Variants in CDH13 observed in about 807,000 individuals in gnomAD.
CDH13 encodes the protein cadherin-13.
A neutral mutation model predicts 63.8 loss-of-function variants in CDH13; 24 were observed. The ratio of observed to expected loss-of-function variants is 0.38; its 90% CI spans 0.27 to 0.53. The LOEUF is 0.53. Ranked by LOEUF, CDH13 falls within the 20% of genes least tolerant of loss-of-function variation. CDH13 has a pLI of 0.85. For missense variants in CDH13, 1,049 were observed against 903.1 expected (o/e 1.16, Z -2.07); for synonymous variants, 503 against 355.3 (o/e 1.42, Z -4.67).
chr16:83,327,459 A>G (rs17210599), intron 5 of CDH13, among the ~76,000 whole-genome samples: 10,791 of 152,312 alleles, frequency 0.071, 539 homozygotes, highest in Non-Finnish European at 0.11. Context: ...ACTTCTTTAT[A>G]AACTCAAAGC....
chr16:82,686,690 C>A (rs1915105104), intron 1 of CDH13, among the ~76,000 whole-genome samples: 1 of 152,208 alleles, frequency 6.6e-6, no homozygotes, highest in Non-Finnish European at 1.5e-5. Flanking sequence ...GATTTTAGTG[C>A]AGGCCTTTCT....
At chr16:83,747,435 A>T (rs949913026) in intron 10 of CDH13, among the ~76,000 whole-genome samples, 3 of 152,176 alleles carry the variant, frequency 2.0e-5, no homozygotes, top group African/African-American at 7.2e-5. Context: ...ACCTTCCGCC[A>T]TGATTGCGAG....
chr16:83,700,258 C>A (rs1229527303), intron 10 of CDH13, among the ~76,000 whole-genome samples: 1 of 152,182 alleles, frequency 6.6e-6, no homozygotes, highest in Non-Finnish European at 1.5e-5. Context: ...ACCTGTGTCA[C>A]CAGTTACACA....
intron 6 of CDH13, among the ~76,000 whole-genome samples, chr16:83,409,745 G>T (rs1053033824): frequency 1.3e-5 from 2 of 152,172 alleles, no homozygotes; most frequent in Non-Finnish European, 2.9e-5. Flanking sequence ...CTTTTCCCCA[G>T]AAGTGGGATG....
intron 7 of CDH13, among the ~76,000 whole-genome samples, chr16:83,587,126 A>G (rs918977268): frequency 3.9e-5 from 6 of 152,214 alleles, no homozygotes; most frequent in African/African-American, 1.4e-4. Flanking sequence ...TTGACTTAAG[A>G]GACCACGGAA....
intron 8 of CDH13, among the ~76,000 whole-genome samples, chr16:83,620,885 G>C (rs1909750486): frequency 6.6e-6 from 1 of 152,108 alleles, no homozygotes. Flanking sequence ...AGCAAGACTG[G>C]TCATTCCATC....
Position 83,080,871 on chromosome 16 carries a change from G to GTTTTTTTTTTTTTTTTTTT in CDH13, c.367-44505_367-44487dup, listed in dbSNP as rs71148809. Among the ~76,000 whole-genome samples, 57 of 46,954 alleles carry GTTTTTTTTTTTTTTTTTTT rather than the reference G, an allele frequency of 1.2e-3. 14 individuals carry two copies. Among genetic ancestry groups the GTTTTTTTTTTTTTTTTTTT allele is most frequent in the African/African-American group, 2.6e-3 (28 of 10,816 alleles). 30.8% of individuals were successfully genotyped at this position (46,954 alleles called of 152,430 possible). A position where few individuals can be genotyped will look rare whatever the true frequency, so the allele number is the denominator to read the frequency against. On this transcript the variant is annotated intron_variant, in intron 3 of 13. Coordinates refer to ENST00000567109, the MANE Select transcript of CDH13 (RefSeq NM_001257.5). ...AGATAGAGTTTTGTTTTGTTTTTGTGTTTTTTTTTTTTTTTTTTTTTTTTT... is the reference window on the plus strand; with the variant it reads ...AGATAGAGTTTTGTTTTGTTTTTGTGTTTTTTTTTTTTTTTTTTTTTTTTTTTTTTTTTTTTTTTTTTTT...
At chr16:83,741,809 G>A (rs916495356) in intron 10 of CDH13, among the ~76,000 whole-genome samples, 1 of 144,676 alleles carries the variant, frequency 6.9e-6, no homozygotes, top group East Asian at 1.9e-4. Context: ...CCTGGGCCAC[G>A]GACGGCCCCA....
At chr16:82,934,578 A>T (rs1223481110) in intron 2 of CDH13, among the ~76,000 whole-genome samples, 2 of 152,160 alleles carry the variant, frequency 1.3e-5, no homozygotes, top group Non-Finnish European at 2.9e-5. Context: ...TCCCCAGAAC[A>T]TGGGTTTTTC....
chr16:82,967,204 C>G (rs1907971117), intron 2 of CDH13, among the ~76,000 whole-genome samples: 1 of 152,112 alleles, frequency 6.6e-6, no homozygotes, highest in Non-Finnish European at 1.5e-5. Flanking sequence ...TAAATAATCT[C>G]TGCCACCCCC....
At chr16:82,697,423 C>CTTTTTTTTTTTTTT (rs34376129) in intron 1 of CDH13, among the ~76,000 whole-genome samples, 1 of 54,882 alleles carries the variant, frequency 1.8e-5, no homozygotes, top group African/African-American at 5.4e-5. Context: ...TTTCTTTTTT[C>CTTTTTTTTTTTTTT]TTTTTTTTTT....
At chr16:83,160,831 T>G (rs2037415182) in intron 4 of CDH13, among the ~76,000 whole-genome samples, 1 of 152,172 alleles carries the variant, frequency 6.6e-6, no homozygotes, top group African/African-American at 2.4e-5. Flanking sequence ...GTTAAAGATG[T>G]TTTTAAACAT....
At chr16:83,159,848 G>C (rs576440839) in intron 4 of CDH13, among the ~76,000 whole-genome samples, 59 of 152,224 alleles carry the variant, frequency 3.9e-4, no homozygotes, top group African/African-American at 1.4e-3. Flanking sequence ...ACTGAGGCTA[G>C]TGGATCACTT....
chr16:83,009,004 C>G (rs779444218), intron 2 of CDH13, among the ~76,000 whole-genome samples: 2 of 152,184 alleles, frequency 1.3e-5, no homozygotes, highest in Non-Finnish European at 2.9e-5. Context: ...ACCATCAGAT[C>G]TCGTGAGAAC....
chr16:83,410,782 G>A (rs1418521109), intron 6 of CDH13, among the ~76,000 whole-genome samples: 2 of 152,132 alleles, frequency 1.3e-5, no homozygotes, highest in African/African-American at 4.8e-5. Flanking sequence ...GCAATCAGCT[G>A]CCAACATTTT....
intron 7 of CDH13, among the ~76,000 whole-genome samples, chr16:83,571,058 A>C (rs1313111679): frequency 6.7e-6 from 1 of 149,768 alleles, no homozygotes; most frequent in Non-Finnish European, 1.5e-5. Flanking sequence ...GCGTGAGGGA[A>C]CCACACTCAC....
At chr16:83,365,303 A>T (rs573209764) in intron 6 of CDH13, among the ~76,000 whole-genome samples, 10 of 152,130 alleles carry the variant, frequency 6.6e-5, no homozygotes, top group African/African-American at 2.2e-4. Context: ...CAGGCCTCTG[A>T]CTCAGCTTTT....
At chr16:82,839,268 C>G (rs2038907299) in intron 1 of CDH13, among the ~76,000 whole-genome samples, 1 of 152,162 alleles carries the variant, frequency 6.6e-6, no homozygotes. Context: ...ATTGTTTCCT[C>G]CCCTGGCCCT....
chr16:83,457,699 C>A (rs1208387975), intron 6 of CDH13, among the ~76,000 whole-genome samples: 1 of 152,060 alleles, frequency 6.6e-6, no homozygotes, highest in Non-Finnish European at 1.5e-5. Context: ...CAGGCCAGGC[C>A]ATGCAAGCCT....
Sources: allele counts gnomAD v4.1 joint callset (sites outside exome capture counted in the v4.1 genomes callset), GRCh38; gene constraint gnomAD v4.1.1; transcripts MANE v1.5; gene names NCBI Gene and HGNC (gene_info 2026-07-23, HGNC 2026-07-21).